Variants in LRRTM4 observed in about 807,000 individuals in gnomAD.
The protein encoded by LRRTM4 is leucine rich repeat transmembrane neuronal 4.
Under a neutral mutation model 47.6 loss-of-function variants are expected in LRRTM4, and 25 were observed. The ratio of observed to expected loss-of-function variants is 0.53; its 90% CI spans 0.38 to 0.73. LRRTM4 has a LOEUF of 0.73. LRRTM4 is among the 30% of genes least tolerant of loss of function. LRRTM4 has a pLI of 0.00. For synonymous variants in LRRTM4, 311 were observed against 269.5 expected, an observed-to-expected ratio of 1.15 and a Z score of -1.51; for missense variants, 638 against 713.4, an observed-to-expected ratio of 0.89 and a Z score of 1.20.
At chr2:76,921,337 A>G (rs921244702) in intron 3 of LRRTM4, among the ~76,000 whole-genome samples, 3 of 152,070 alleles carry the variant, frequency 2.0e-5, no homozygotes, top group Non-Finnish European at 4.4e-5. Flanking sequence ...CTTCTCAGCT[A>G]TCATATGAAA....
chr2:76,958,088 A>T (rs77994629), intron 3 of LRRTM4, among the ~76,000 whole-genome samples: 3,486 of 151,838 alleles, frequency 0.023, 169 homozygotes, highest in African/African-American at 0.079. Context: ...GGGAAAAAGG[A>T]GGTTTCATTT....
intron 3 of LRRTM4, among the ~76,000 whole-genome samples, chr2:77,168,020 G>A (rs929446886): frequency 1.3e-4 from 20 of 152,002 alleles, no homozygotes; most frequent in East Asian, 9.7e-4. Flanking sequence ...TGTTTTTTCC[G>A]CTCCGACTGA....
intron 3 of LRRTM4, among the ~76,000 whole-genome samples, chr2:77,261,044 T>C (rs899494782): frequency 6.6e-6 from 1 of 152,088 alleles, no homozygotes; most frequent in Non-Finnish European, 1.5e-5. Flanking sequence ...GTATTGTGTG[T>C]AGCCTATAGG....
At chr2:77,102,949 G>A (rs2103914920) in intron 3 of LRRTM4, among the ~76,000 whole-genome samples, 1 of 152,236 alleles carries the variant, frequency 6.6e-6, no homozygotes, top group African/African-American at 2.4e-5. Context: ...GAGACCATGT[G>A]ACATGGAAAG....
At chr2:77,383,085 T>C (rs908044114) in intron 3 of LRRTM4, among the ~76,000 whole-genome samples, 8 of 152,096 alleles carry the variant, frequency 5.3e-5, no homozygotes, top group Non-Finnish European at 1.0e-4. Context: ...TATAGTTTGG[T>C]ACCTCAAATT....
intron 3 of LRRTM4, among the ~76,000 whole-genome samples, chr2:76,842,859 T>C (rs565922382): frequency 5.3e-5 from 8 of 152,308 alleles, no homozygotes; most frequent in African/African-American, 1.7e-4. Context: ...AATTTTCTTA[T>C]GAGTGGCAAG....
At chr2:77,013,372 T>C (rs933295207) in intron 3 of LRRTM4, among the ~76,000 whole-genome samples, 3 of 152,136 alleles carry the variant, frequency 2.0e-5, no homozygotes, top group African/African-American at 7.2e-5. Flanking sequence ...CAATAGAGAA[T>C]GGATATTACT....
intron 3 of LRRTM4, among the ~76,000 whole-genome samples, chr2:77,027,959 T>A (rs192610965): frequency 6.8e-6 from 1 of 147,960 alleles, no homozygotes; most frequent in African/African-American, 2.5e-5. Context: ...CTTTCTCTCT[T>A]ATCTAGTATT....
chr2:76,768,903 G>A, intron 3 of LRRTM4, among the ~76,000 whole-genome samples: 1 of 152,028 alleles, frequency 6.6e-6, no homozygotes, highest in South Asian at 2.1e-4. Context: ...AGAATGTGCT[G>A]GGGACATGCT....
chr2:77,061,439 A>G (rs948952538), intron 3 of LRRTM4, among the ~76,000 whole-genome samples: 2 of 149,784 alleles, frequency 1.3e-5, no homozygotes, highest in East Asian at 1.9e-4. Flanking sequence ...GAGTCAACAC[A>G]TTAATTATTT....
At chr2:76,858,189 A>G (rs1672209352) in intron 3 of LRRTM4, among the ~76,000 whole-genome samples, 1 of 152,174 alleles carries the variant, frequency 6.6e-6, no homozygotes, top group Non-Finnish European at 1.5e-5. Flanking sequence ...TTGGATGAGA[A>G]TAACAATTCA....
At chr2:76,801,245 C>G (rs1170209421) in intron 3 of LRRTM4, among the ~76,000 whole-genome samples, 1 of 152,024 alleles carries the variant, frequency 6.6e-6, no homozygotes, top group African/African-American at 2.4e-5. Flanking sequence ...TTCACAATAG[C>G]AAAGACTTGG....
At chr2:77,135,493 A>G (rs1671911161) in intron 3 of LRRTM4, among the ~76,000 whole-genome samples, 1 of 152,240 alleles carries the variant, frequency 6.6e-6, no homozygotes, top group African/African-American at 2.4e-5. Flanking sequence ...TTTGGATTAA[A>G]TATCAATGTT....
intron 3 of LRRTM4, among the ~76,000 whole-genome samples, chr2:77,384,841 T>C (rs1422430455): frequency 6.6e-6 from 1 of 152,110 alleles, no homozygotes; most frequent in Non-Finnish European, 1.5e-5. Flanking sequence ...TTAAAGTTAG[T>C]ATATGTGAAC....
At chr2:77,134,410 T>C (rs1671879325) in intron 3 of LRRTM4, among the ~76,000 whole-genome samples, 1 of 152,158 alleles carries the variant, frequency 6.6e-6, no homozygotes, top group African/African-American at 2.4e-5. Context: ...CTTTTTTCCA[T>C]TATGAAAATT....
At position 77,360,517 on chromosome 2, in the gene LRRTM4, G is replaced by GATACA. The variant is rs1558706250; in HGVS notation, c.1551+157800_1551+157801insTGTAT. On this transcript the variant is annotated intron_variant, in intron 3 of 3. Transcript: ENST00000409884. ...GATACGATACGATACGATACGATAC[G>GATACA]ATACGATACGATACGATACAATACA... is the stretch of plus-strand genomic sequence containing the variant. Among the ~76,000 whole-genome samples the GATACA allele has an allele frequency of 6.0e-5, 9 of 149,218 alleles. 1 individual carries two copies. Among genetic ancestry groups the GATACA allele is most frequent in the African/African-American group, 2.3e-4 (9 of 39,768 alleles).
In LRRTM4 at chr2:76,774,282, C is replaced by T. The variant is rs545180943; in HGVS notation, c.1552-25366G>A. Among the ~76,000 whole-genome samples the T allele has an allele frequency of 2.6e-5, 4 of 151,886 alleles. No homozygotes were observed. The South Asian group carries it at 8.3e-4, about 32-fold the overall frequency. ...TCACTGCAACTTCCAACTTCTGACT[C>T]CCCGGTTCAAGCAATTCTCCTGCCT... On this transcript the variant is annotated intron_variant, in intron 3 of 3. Coordinates refer to ENST00000409884, the MANE Select transcript of LRRTM4 (RefSeq NM_001134745.3).
chr2:77,140,927 A>G (rs969688085), intron 3 of LRRTM4, among the ~76,000 whole-genome samples: 2 of 152,194 alleles, frequency 1.3e-5, no homozygotes, highest in African/African-American at 4.8e-5. Flanking sequence ...GTGAGATACC[A>G]TCTCACACCA....
At chr2:77,309,726 G>C (rs137903395) in intron 3 of LRRTM4, among the ~76,000 whole-genome samples, 1 of 130,654 alleles carries the variant, frequency 7.7e-6, no homozygotes. Flanking sequence ...TAGATAGATA[G>C]ATAGATATAA....
Sources: gnomAD v4.1 joint callset for allele counts (sites outside exome capture counted in the v4.1 genomes callset) on GRCh38, gnomAD v4.1.1 for gene constraint, MANE v1.5 for transcripts, NCBI Gene and HGNC (gene_info 2026-07-23, HGNC 2026-07-21) for gene names.